The following NRG3 variants were observed in gnomAD, a reference collection of about 807,000 sequenced individuals.
NRG3 encodes the protein pro-neuregulin-3, membrane-bound isoform.
In NRG3, 31 loss-of-function variants were observed where a neutral mutation model predicts 66.9. That is an observed-to-expected ratio of 0.46 (90% CI 0.35 to 0.63). The LOEUF (loss-of-function observed/expected upper bound fraction) is 0.63. Among genes scored for constraint, NRG3 ranks in the 20% least tolerant of loss-of-function variants. NRG3 has a pLI of 0.00. For missense variants in NRG3, 910 were observed against 878.9 expected, an observed-to-expected ratio of 1.04 and a Z score of -0.45; for synonymous variants, 393 against 359.4, an observed-to-expected ratio of 1.09 and a Z score of -1.06.
intron 1 of NRG3, among the ~76,000 whole-genome samples, chr10:82,307,710 T>A (rs1211351302): frequency 6.6e-6 from 1 of 152,060 alleles, no homozygotes; most frequent in Non-Finnish European, 1.5e-5. Context: ...GGTGCAAAAG[T>A]AATTGCAGGT....
In NRG3 at chr10:81,875,792, C is replaced by A; in HGVS notation, c.452C>A (p.Pro151His). The A allele has an allele frequency of 6.2e-7, 1 of 1,610,808 alleles. No individual in the cohort carries two copies. Among genetic ancestry groups the A allele is most frequent in the Non-Finnish European group, 8.5e-7 (1 of 1,179,918 alleles). Residue 151 changes from proline (P) to histidine (H), a missense_variant, in exon 1 of 9, where the codon CCC (proline) becomes CAC (histidine). Coordinates refer to ENST00000372141, the MANE Select transcript of NRG3 (RefSeq NM_001010848.4). The surrounding 1 kb of genome is among the most constrained non-coding windows in gnomAD (Gnocchi z 5.3). The stretch of plus-strand genomic sequence containing the variant: ...GGGGGTGCCGCCTCCTCCAGGACGC[C>A]CAACCGGATTAGCACTCGCCTGACC... ...SAGGAASSRT[P>H]NRISTRLTTI...
chr10:82,952,298 T>C (rs905571150), intron 5 of NRG3, among the ~76,000 whole-genome samples: 1 of 151,940 alleles, frequency 6.6e-6, no homozygotes, highest in African/African-American at 2.4e-5. Flanking sequence ...TTGGGCATGG[T>C]GGCGTGCCAC....
chr10:82,986,523 CA>C lies in NRG3; in HGVS notation c.*919del, dbSNP rs1314860017. 6.6e-6 allele frequency: 1 copy of C among 152,166 alleles called. No homozygotes were observed. The allele number at this position is 152,166 out of a possible 1,614,324, so 9.4% of individuals were successfully genotyped here. On this transcript the variant is annotated 3_prime_UTR_variant, in exon 9 of 9. Transcript: ENST00000372141. ...CTGAAACATCAGGGAATCTACTATT[CA>C]GAAAAATTATTTCCCTCTTAGATCT...
chr10:82,350,036 C>T (rs190994040), intron 1 of NRG3, among the ~76,000 whole-genome samples: 2 of 152,282 alleles, frequency 1.3e-5, no homozygotes, highest in Admixed American at 6.5e-5. Context: ...GCGTCGCTCA[C>T]GCTGGGAGCT....
chr10:82,445,312 A>C (rs1209796798), intron 2 of NRG3, among the ~76,000 whole-genome samples: 1 of 152,180 alleles, frequency 6.6e-6, no homozygotes, highest in Non-Finnish European at 1.5e-5. Context: ...ACAGTAGAAA[A>C]TTAGAGTATT....
intron 1 of NRG3, among the ~76,000 whole-genome samples, chr10:82,012,735 A>C (rs2061631556): frequency 6.6e-6 from 1 of 152,138 alleles, no homozygotes; most frequent in Non-Finnish European, 1.5e-5. Context: ...AGTTCCAGAG[A>C]TCTCTAGGGC....
At chr10:82,073,484 T>A (rs1335550765) in intron 1 of NRG3, among the ~76,000 whole-genome samples, 1 of 152,208 alleles carries the variant, frequency 6.6e-6, no homozygotes, top group Non-Finnish European at 1.5e-5. Flanking sequence ...AATATGGCAC[T>A]TTTTATCCAT....
In NRG3 at chr10:82,027,606, T is replaced by G. The variant is rs559347733; in HGVS notation, c.823+151443T>G. On this transcript the variant is annotated intron_variant, in intron 1 of 8. Transcript: ENST00000372141. ...CATTTAAATGCTGCTTGGATATTGG[T>G]GTGCCCTTGCTCATTTTCTTGAGTG... is the stretch of plus-strand genomic sequence containing the variant. 1.1e-4 allele frequency among the ~76,000 whole-genome samples: 16 copies of G among 152,248 alleles called. No individual in the cohort carries two copies. In the South Asian group the frequency reaches 3.3e-3, roughly 32 times the overall value.
At chr10:82,228,221 A>G (rs904707100) in intron 1 of NRG3, among the ~76,000 whole-genome samples, 2 of 152,224 alleles carry the variant, frequency 1.3e-5, no homozygotes, top group Non-Finnish European at 1.5e-5. Flanking sequence ...GGAGTGAGTG[A>G]TTCACAAGAT....
At chr10:82,585,017 G>C (rs895334182) in intron 2 of NRG3, among the ~76,000 whole-genome samples, 5 of 150,584 alleles carry the variant, frequency 3.3e-5, no homozygotes, top group African/African-American at 1.2e-4. Context: ...TTTTTGGGGG[G>C]GGAACGGGGG....
intron 1 of NRG3, among the ~76,000 whole-genome samples, chr10:82,113,833 T>G (rs2067533887): frequency 6.6e-6 from 1 of 152,190 alleles, no homozygotes; most frequent in African/African-American, 2.4e-5. Flanking sequence ...CAAAATACAG[T>G]TCTATTTAGA....
intron 3 of NRG3, among the ~76,000 whole-genome samples, chr10:82,789,156 CT>C (rs2060486269): frequency 6.6e-6 from 1 of 152,014 alleles, no homozygotes; most frequent in South Asian, 2.1e-4. Context: ...CTTACCAACA[CT>C]TTTTGTCTTC....
rs911970976 is a variant in NRG3, at chr10:82,975,401, A to T, written c.1412+1486A>T. Among the ~76,000 whole-genome samples, 3 of 152,298 alleles carry T rather than the reference A, an allele frequency of 2.0e-5. No individual in the cohort carries two copies. In the East Asian group the frequency reaches 5.8e-4, roughly 29 times the overall value. On this transcript the variant is annotated intron_variant, in intron 7 of 8. Transcript: ENST00000372141. ...AAAACATCAGCTCTTAATATGTTTG[A>T]GCTGCAATATTCCTATCCCCAGTTC...
chr10:82,919,197 G>A (rs1410844441), intron 4 of NRG3, among the ~76,000 whole-genome samples: 1 of 151,928 alleles, frequency 6.6e-6, no homozygotes, highest in East Asian at 1.9e-4. Context: ...GCATAATTGA[G>A]ATGAGAACCT....
chr10:82,731,600 C>CT (rs34012765), intron 2 of NRG3, among the ~76,000 whole-genome samples: 11,734 of 152,160 alleles, frequency 0.077, 1,016 homozygotes, highest in East Asian at 0.29. Flanking sequence ...ACAGAATTTC[C>CT]TTTTTTTCTC....
chr10:82,275,141 A>G (rs2078779117), intron 1 of NRG3, among the ~76,000 whole-genome samples: 1 of 152,092 alleles, frequency 6.6e-6, no homozygotes, highest in African/African-American at 2.4e-5. Context: ...AACAATGAAT[A>G]TAAACTTTTC....
intron 2 of NRG3, among the ~76,000 whole-genome samples, chr10:82,628,557 A>T (rs1162426497): frequency 6.6e-6 from 1 of 151,906 alleles, no homozygotes; most frequent in Non-Finnish European, 1.5e-5. Flanking sequence ...ACTTCTTCTT[A>T]CTCTGCTGAT....
intron 2 of NRG3, among the ~76,000 whole-genome samples, chr10:82,674,766 G>C (rs1591119907): frequency 6.9e-6 from 1 of 144,472 alleles, no homozygotes; most frequent in African/African-American, 2.6e-5. Flanking sequence ...ACCCCCACCT[G>C]CCGTAATGAA....
At chr10:82,314,497 T>C (rs957681912) in intron 1 of NRG3, among the ~76,000 whole-genome samples, 4 of 152,030 alleles carry the variant, frequency 2.6e-5, no homozygotes, top group African/African-American at 7.2e-5. Flanking sequence ...TTTCCAGCAT[T>C]CTGTAACTGC....
Sources: gnomAD v4.1 joint callset for allele counts (sites outside exome capture counted in the v4.1 genomes callset) on GRCh38, gnomAD v4.1.1 for gene constraint, Gnocchi (gnomAD v3.1) non-coding constraint, MANE v1.5 for transcripts, NCBI Gene and HGNC (gene_info 2026-07-23, HGNC 2026-07-21) for gene names.